Variants in GRIK2 observed in about 807,000 individuals in gnomAD.
GRIK2 encodes the protein glutamate receptor ionotropic, kainate 2.
In GRIK2, 32 loss-of-function variants were observed where a neutral mutation model predicts 100.3. The ratio of observed to expected loss-of-function variants is 0.32; its 90% CI spans 0.24 to 0.43. GRIK2 has a LOEUF of 0.43. Ranked by LOEUF, GRIK2 falls within the 20% of genes least tolerant of loss-of-function variation. GRIK2 has a pLI of 1.00. For missense variants in GRIK2, 843 were observed against 1,114.9 expected, an observed-to-expected ratio of 0.76 and a Z score of 3.47; for synonymous variants, 417 against 389.4, an observed-to-expected ratio of 1.07 and a Z score of -0.83.
chr6:101,821,729 T>C (rs1046212089), intron 10 of GRIK2, among the ~76,000 whole-genome samples: 3 of 152,140 alleles, frequency 2.0e-5, no homozygotes, highest in African/African-American at 7.2e-5. Flanking sequence ...TTTGAAGAGA[T>C]TATGTACCTT....
At chr6:102,031,442 TA>T (rs1211899069) in intron 14 of GRIK2, among the ~76,000 whole-genome samples, 1 of 83,622 alleles carries the variant, frequency 1.2e-5, no homozygotes, top group African/African-American at 1.0e-4. Context: ...ATATTTTACT[TA>T]TTTATTTTTA....
At chr6:101,453,346 A>G (rs1249373631) in intron 2 of GRIK2, among the ~76,000 whole-genome samples, 1 of 151,910 alleles carries the variant, frequency 6.6e-6, no homozygotes, top group Non-Finnish European at 1.5e-5. Flanking sequence ...AGCCTATATT[A>G]TCTGCTTTCT....
chr6:101,398,563 CCAGA>C (rs1228143209), intron 1 of GRIK2, among the ~76,000 whole-genome samples: 2 of 152,130 alleles, frequency 1.3e-5, no homozygotes, highest in African/African-American at 2.4e-5. Context: ...TTTACAGTTC[CCAGA>C]CAAACTGACT....
At chr6:102,065,684 T>C (rs1481052462) in intron 16 of GRIK2, 1 of 595,240 alleles carries the variant, frequency 1.7e-6, no homozygotes, top group African/African-American at 2.0e-5. Context: ...AAATGAAGGT[T>C]TATTTCAAAC....
At chr6:101,843,776 C>T (rs1783652522) in intron 10 of GRIK2, among the ~76,000 whole-genome samples, 1 of 152,102 alleles carries the variant, frequency 6.6e-6, no homozygotes, top group East Asian at 1.9e-4. Context: ...AAGGCCCAGA[C>T]CTCAGTTTTG....
intron 7 of GRIK2, among the ~76,000 whole-genome samples, chr6:101,762,502 G>A (rs924332437): frequency 1.3e-5 from 2 of 151,804 alleles, no homozygotes; most frequent in African/African-American, 4.8e-5. Flanking sequence ...CCAAGTGCAG[G>A]GATTACACGT....
At chr6:102,042,836 T>C (rs1228001850) in intron 15 of GRIK2, among the ~76,000 whole-genome samples, 1 of 151,732 alleles carries the variant, frequency 6.6e-6, no homozygotes, top group East Asian at 1.9e-4. Context: ...AGTTTCATGG[T>C]TTAATACTCA....
intron 9 of GRIK2, among the ~76,000 whole-genome samples, chr6:101,811,112 T>C (rs1398659941): frequency 6.6e-6 from 1 of 152,098 alleles, no homozygotes; most frequent in Non-Finnish European, 1.5e-5. Flanking sequence ...AGGAAAACTA[T>C]ACTTTGTAGG....
intron 7 of GRIK2, among the ~76,000 whole-genome samples, chr6:101,741,695 A>C (rs1443579300): frequency 2.6e-5 from 4 of 152,204 alleles, no homozygotes; most frequent in Admixed American, 2.6e-4. Flanking sequence ...CTATATTTTC[A>C]GGACATTCTG....
Position 101,398,969 on chromosome 6 carries a change from T to G in GRIK2, c.-293-16T>G. On this transcript the variant is annotated splice_polypyrimidine_tract_variant and intron_variant, in intron 1 of 16. Coordinates refer to ENST00000369134, the MANE Select transcript of GRIK2 (RefSeq NM_021956.5). ...CTGGGTTTCCTACTGATTTCCCTCC[T>G]CCTCTGCTTTCACAGGCTCGCGCGG... The G allele has an allele frequency of 2.3e-6, 1 of 443,940 alleles. No homozygotes were observed. Among genetic ancestry groups the G allele is most frequent in the Non-Finnish European group, 4.0e-6 (1 of 252,462 alleles). The allele number at this position is 443,940 out of a possible 1,614,324, so 27.5% of individuals were successfully genotyped here.
chr6:101,626,527 C>T lies in GRIK2; in HGVS notation c.431C>T (p.Ser144Phe). The T allele has an allele frequency of 6.2e-7, 1 of 1,613,900 alleles. No homozygotes were observed. Among genetic ancestry groups the T allele is most frequent in the East Asian group, 2.2e-5 (1 of 44,828 alleles). The change falls in exon 4 of 17, where the codon TCC becomes TTC. Residue 144 changes from serine to phenylalanine, a missense_variant. This residue lies in a region of GRIK2 where 519 missense variants were observed against 643.8 expected (regional missense o/e 0.81). Transcript: ENST00000369134. Reference sequence around the variant, plus strand: ...CACCAGGTGTCAGACAACAAAGATTCCTTCTATGTCAGTCTCTACCCAGAC... The same window carrying T: ...CACCAGGTGTCAGACAACAAAGATTTCTTCTATGTCAGTCTCTACCCAGAC... ...WKHQVSDNKD[S>F]FYVSLYPDFS...
At chr6:101,861,815 A>G (rs1784750781) in intron 11 of GRIK2, among the ~76,000 whole-genome samples, 1 of 152,150 alleles carries the variant, frequency 6.6e-6, no homozygotes, top group African/African-American at 2.4e-5. Flanking sequence ...ATCACTGATA[A>G]TGAGGCTGAT....
At chr6:101,701,509 T>C (rs574201465) in intron 7 of GRIK2, among the ~76,000 whole-genome samples, 1 of 152,250 alleles carries the variant, frequency 6.6e-6, no homozygotes, top group African/African-American at 2.4e-5. Flanking sequence ...TATTTATTCC[T>C]ATTTCCAATT....
At chr6:101,464,500 T>TC (rs1334845867) in intron 2 of GRIK2, among the ~76,000 whole-genome samples, 154 of 3,822 alleles carry the variant, frequency 0.04, 10 homozygotes, top group African/African-American at 0.092. Flanking sequence ...TTTCTTTCTT[T>TC]TTTTTTTTTT....
At chr6:101,795,534 A>C (rs978236253) in intron 7 of GRIK2, among the ~76,000 whole-genome samples, 7 of 152,178 alleles carry the variant, frequency 4.6e-5, no homozygotes, top group Non-Finnish European at 1.0e-4. Flanking sequence ...GCTTCGGTTC[A>C]GTAGTGGCAG....
intron 7 of GRIK2, among the ~76,000 whole-genome samples, chr6:101,738,577 C>T (rs1775829681): frequency 6.6e-6 from 1 of 152,162 alleles, no homozygotes; most frequent in Non-Finnish European, 1.5e-5. Flanking sequence ...TGGTCTCATT[C>T]ATTCACTCAT....
At chr6:101,440,433 C>G (rs906252438) in intron 2 of GRIK2, among the ~76,000 whole-genome samples, 13 of 152,142 alleles carry the variant, frequency 8.5e-5, no homozygotes, top group Admixed American at 7.2e-4. Flanking sequence ...TTTCCTTACC[C>G]AATGGTTCAG....
Position 101,888,638 on chromosome 6 carries a change from G to C in GRIK2, c.1525-1002G>C, listed in dbSNP as rs542261252. On this transcript the variant is annotated intron_variant, in intron 11 of 16. Coordinates refer to ENST00000369134, the MANE Select transcript of GRIK2 (RefSeq NM_021956.5). ...ACACAAATGCACAAAAACACACACA[G>C]AGAATAATATTGTCAACAAACTTTT... Among the ~76,000 whole-genome samples, 24 of 152,140 alleles carry C rather than the reference G, an allele frequency of 1.6e-4. No individual in the cohort carries two copies. In the South Asian group the frequency reaches 1.9e-3, roughly 12 times the overall value.
intron 14 of GRIK2, among the ~76,000 whole-genome samples, chr6:102,026,801 A>G (rs1769727655): frequency 6.6e-6 from 1 of 151,206 alleles, no homozygotes; most frequent in Non-Finnish European, 1.5e-5. Context: ...TTGAGATAAC[A>G]CTGCCAGAAT....
Sources: gnomAD v4.1 joint callset for allele counts (sites outside exome capture counted in the v4.1 genomes callset) on GRCh38, gnomAD v4.1.1 for gene constraint, gnomAD v4.1.1 regional missense constraint, MANE v1.5 for transcripts, NCBI Gene and HGNC (gene_info 2026-07-23, HGNC 2026-07-21) for gene names.